Variants in TBC1D30 observed in about 807,000 individuals in gnomAD.
The protein encoded by TBC1D30 is TBC1 domain family member 30, also known as TBC1 domain family, member 30.
In TBC1D30, 31 loss-of-function variants were observed where a neutral mutation model predicts 63.2. The observed-to-expected ratio is 0.49, with a 90% confidence interval of 0.37 to 0.66. The LOEUF (loss-of-function observed/expected upper bound fraction) is 0.66, where lower values mean the gene tolerates loss of function less well. Among genes scored for constraint, TBC1D30 ranks in the 30% least tolerant of loss-of-function variants. The probability of loss-of-function intolerance (pLI) is 0.00; values close to 1 mark genes in which losing one functional copy is unlikely to be tolerated. For synonymous variants in TBC1D30, 307 were observed against 361.5 expected (o/e 0.85, Z 1.71); for missense variants, 810 against 953.6 (o/e 0.85, Z 1.98).
upstream of TBC1D30, among the ~76,000 whole-genome samples, chr12:64,823,873 TCA>T (rs1209205502): frequency 1.3e-5 from 2 of 152,186 alleles, no homozygotes; most frequent in African/African-American, 4.8e-5. Flanking sequence ...AAGAGAGGAC[TCA>T]GTTTTCCATT....
intron 8 of TBC1D30, among the ~76,000 whole-genome samples, chr12:64,858,638 T>C (rs1182480117): frequency 6.6e-6 from 1 of 151,866 alleles, no homozygotes; most frequent in Non-Finnish European, 1.5e-5. Flanking sequence ...GCTTTGGTCA[T>C]TTCCTTGCTC....
chr12:64,777,653 A>G (rs929819169), upstream of TBC1D30, among the ~76,000 whole-genome samples: 1 of 152,256 alleles, frequency 6.6e-6, no homozygotes, highest in African/African-American at 2.4e-5. Context: ...GGATAGGAAG[A>G]ATCAATATCA....
At position 64,833,608 on chromosome 12, in the gene TBC1D30, A is replaced by G. The variant is rs1417423580; in HGVS notation, c.594+1304A>G. Among the ~76,000 whole-genome samples the G allele has an allele frequency of 2.6e-5, 4 of 152,174 alleles. No individual in the cohort carries two copies. In the East Asian group the frequency reaches 7.7e-4, roughly 29 times the overall value. On this transcript the variant is annotated intron_variant, in intron 5 of 11. Transcript: ENST00000539867. ...ATACTGTCAATCACTGATTAATGTG[A>G]TGTGGAAAAATAAACAAATGTTCCT...
intron 8 of TBC1D30, among the ~76,000 whole-genome samples, chr12:64,845,550 C>T (rs1025083008): frequency 5.0e-4 from 76 of 152,088 alleles, no homozygotes; most frequent in African/African-American, 1.7e-3. Context: ...CACGGTGAAA[C>T]CCTGTCTCTA....
intron 11 of TBC1D30, among the ~76,000 whole-genome samples, chr12:64,873,845 G>T (rs1293275018): frequency 6.6e-6 from 1 of 152,026 alleles, no homozygotes; most frequent in Non-Finnish European, 1.5e-5. Context: ...TTGATACTGG[G>T]GTATGACCAG....
At chr12:64,826,552 A>G (rs1001822923) in intron 1 of TBC1D30, among the ~76,000 whole-genome samples, 4 of 152,146 alleles carry the variant, frequency 2.6e-5, no homozygotes, top group African/African-American at 9.7e-5. Context: ...AGCGTGCCTT[A>G]AAGCGTGCGC....
intron 2 of TBC1D30, among the ~76,000 whole-genome samples, chr12:64,806,714 A>T (rs566842809): frequency 7.2e-5 from 11 of 152,292 alleles, no homozygotes; most frequent in African/African-American, 2.4e-4. Flanking sequence ...TCTCAAAGAG[A>T]TATTTGCACA....
At chr12:64,803,669 T>A (rs1247816228) in intron 2 of TBC1D30, among the ~76,000 whole-genome samples, 15 of 152,214 alleles carry the variant, frequency 9.9e-5, no homozygotes, top group Admixed American at 9.8e-4. Flanking sequence ...TTGAATTAAT[T>A]TTTGTATAAG....
chr12:64,848,362 T>C (rs998895926), intron 8 of TBC1D30, among the ~76,000 whole-genome samples: 7 of 151,930 alleles, frequency 4.6e-5, no homozygotes, highest in Admixed American at 6.6e-5. Context: ...GCCGTGGTGG[T>C]TTGTGGCCCC....
At chr12:64,860,270 A>C (rs1877678118) in intron 8 of TBC1D30, among the ~76,000 whole-genome samples, 1 of 151,870 alleles carries the variant, frequency 6.6e-6, no homozygotes, top group Admixed American at 6.6e-5. Flanking sequence ...CTCACTCCTC[A>C]GCCCTGAAAG....
Position 64,876,205 on chromosome 12 carries a change from A to G in TBC1D30, c.*417A>G, listed in dbSNP as rs1879065770. 1 of 164,924 alleles carries G rather than the reference A, an allele frequency of 6.1e-6. No homozygotes were observed. The highest frequency in any genetic ancestry group is 2.4e-5 in the African/African-American group (1 of 41,722). 10.2% of individuals were successfully genotyped at this position (164,924 alleles called of 1,614,324 possible). A position where few individuals can be genotyped will look rare whatever the true frequency, so the allele number is the denominator to read the frequency against. ...TCAAGCATGCACATACCAGCTTGCT[A>G]GGACAGAAACTGTAAAAAGAAAGTA... On this transcript the variant is annotated 3_prime_UTR_variant, in exon 12 of 12. Transcript: ENST00000539867.
intron 2 of TBC1D30, among the ~76,000 whole-genome samples, chr12:64,817,778 T>C (rs182676030): frequency 6.1e-4 from 93 of 152,232 alleles, no homozygotes; most frequent in Non-Finnish European, 9.6e-4. Flanking sequence ...CAAAAGAATC[T>C]TTGGGCCTGG....
intron 1 of TBC1D30, chr12:64,785,772 A>G: frequency 1.2e-6 from 1 of 854,884 alleles, no homozygotes; most frequent in Non-Finnish European, 1.6e-6. Context: ...GAAAACCTAG[A>G]ATTAGTTGGT....
intron 2 of TBC1D30, chr12:64,818,909 A>C (rs189073926): frequency 6.6e-6 from 1 of 152,358 alleles, no homozygotes; most frequent in Non-Finnish European, 1.5e-5. Context: ...ATCTAGCTCA[A>C]GTAGTAGTGA....
intron 2 of TBC1D30, among the ~76,000 whole-genome samples, chr12:64,808,258 T>A (rs1873001402): frequency 6.6e-6 from 1 of 152,166 alleles, no homozygotes; most frequent in Non-Finnish European, 1.5e-5. Flanking sequence ...GTACTTCTAT[T>A]TTTAGGATTC....
At chr12:64,770,535 A>C (rs1870867244) in intron 1 of TBC1D30, among the ~76,000 whole-genome samples, 1 of 152,082 alleles carries the variant, frequency 6.6e-6, no homozygotes, top group South Asian at 2.1e-4. Context: ...GTCCCCACCT[A>C]GCTACTTTGG....
At chr12:64,769,542 ATT>A (rs35063952) in intron 1 of TBC1D30, among the ~76,000 whole-genome samples, 1,958 of 133,026 alleles carry the variant, frequency 0.015, 22 homozygotes, top group Middle Eastern at 0.063. Context: ...ACGCTGGGCT[ATT>A]TTTTTTTTTT....
At position 64,838,871 on chromosome 12, in the gene TBC1D30, T is replaced by C; in HGVS notation, c.932+20T>C. The C allele has an allele frequency of 9.1e-6, 14 of 1,535,298 alleles. No homozygotes were observed. The highest frequency in any genetic ancestry group is 1.1e-5 in the Non-Finnish European group (13 of 1,146,328). On this transcript the variant is annotated intron_variant, in intron 7 of 11. Transcript: ENST00000539867. ...AGGAGAGTAAGTGATTTCCACCTTCTGCTCTGTTCTGTGATGTTGAGGGCC... is the reference window on the plus strand; with the variant it reads ...AGGAGAGTAAGTGATTTCCACCTTCCGCTCTGTTCTGTGATGTTGAGGGCC...
chr12:64,838,971 CT>C, intron 7 of TBC1D30, 120 bp downstream of exon 7: 2 of 981,408 alleles, frequency 2.0e-6, no homozygotes, highest in Non-Finnish European at 2.9e-6. Flanking sequence ...TTTAAAATTG[CT>C]TTAGCCTCCT....
Sources: allele counts gnomAD v4.1 joint callset (sites outside exome capture counted in the v4.1 genomes callset), GRCh38; gene constraint gnomAD v4.1.1; transcripts MANE v1.5; gene names NCBI Gene and HGNC (gene_info 2026-07-23, HGNC 2026-07-21).